ASB14: variants seen among roughly 807,000 people sequenced by gnomAD.
ASB14 encodes ankyrin repeat and SOCS box protein 14.
Under a neutral mutation model 55.6 loss-of-function variants are expected in ASB14, and 63 were observed. That is an observed-to-expected ratio of 1.13 (90% confidence interval 0.92 to 1.40). The LOEUF is 1.40. Among genes scored for constraint, ASB14 ranks in the 40% most tolerant of loss-of-function variants. The pLI is 0.00. For synonymous variants in ASB14, 256 were observed against 259.9 expected, an observed-to-expected ratio of 0.98 and a Z score of 0.15; for missense variants, 724 against 710.4, an observed-to-expected ratio of 1.02 and a Z score of -0.22.
In ASB14 at chr3:57,283,233, T is replaced by C; in HGVS notation, c.676A>G (p.Ser226Gly). 1.3e-6 allele frequency: 2 copies of C among 1,552,174 alleles called. No individual in the cohort carries two copies. Among genetic ancestry groups the C allele is most frequent in the Non-Finnish European group, 1.7e-6 (2 of 1,147,036 alleles). The change falls in exon 6 of 11, where the codon AGT (serine) becomes GGT (glycine). Residue 226 changes from serine (S) to glycine (G), a missense_variant. Transcript: ENST00000487349. The stretch of plus-strand genomic sequence containing the variant: ...ATTTCCATGATTTCAGTGTGTCCAC[T>C]TTGGGCAGCAAGAGCAAGAGGAGTG... ...GFTPLALAAQ[S>G]GHTEIMEMLL...
chr3:57,268,611 A>G lies in ASB14; in HGVS notation c.*1030T>C, dbSNP rs1484594760. ...CTGCTTGTTCAGCCACTTCATAAAC[A>G]GATGATTCATACCATAGCAGAAAAG... On this transcript the variant is annotated 3_prime_UTR_variant, in exon 11 of 11. Coordinates refer to ENST00000487349, the MANE Select transcript of ASB14 (RefSeq NM_001142733.3). The G allele has an allele frequency of 8.8e-7, 1 of 1,136,754 alleles. No homozygotes were observed. Among genetic ancestry groups the G allele is most frequent in the African/African-American group, 1.5e-5 (1 of 64,804 alleles). The allele number at this position is 1,136,754 out of a possible 1,614,324, so 70.4% of individuals were successfully genotyped here.
chr3:57,288,901 A>G (rs1294622188), intron 3 of ASB14, 167 bp downstream of exon 3: 3 of 474,296 alleles, frequency 6.3e-6, no homozygotes, highest in Non-Finnish European at 1.1e-5. Flanking sequence ...TTTTTAGTAG[A>G]GACAGGGGGT....
intron 8 of ASB14, among the ~76,000 whole-genome samples, 155 bp from the exon 9 acceptor site, chr3:57,278,075 C>A (rs1006648173): frequency 6.6e-6 from 1 of 152,090 alleles, no homozygotes; most frequent in East Asian, 1.9e-4. Context: ...CTGTACTTAT[C>A]CTGATTCTTT....
chr3:57,275,375 C>T (rs1311790125), intron 10 of ASB14, among the ~76,000 whole-genome samples: 1 of 151,588 alleles, frequency 6.6e-6, no homozygotes, highest in African/African-American at 2.4e-5. Context: ...TCGCTTGAAC[C>T]CGGGAGGCAG....
intron 10 of ASB14, among the ~76,000 whole-genome samples, chr3:57,274,161 G>GA (rs919951357): frequency 2.0e-5 from 3 of 151,880 alleles, no homozygotes; most frequent in East Asian, 3.9e-4. Flanking sequence ...CCCTACACTA[G>GA]AAAAAAAATC....
chr3:57,276,018 G>A (rs941436234), intron 10 of ASB14, among the ~76,000 whole-genome samples: 2 of 152,028 alleles, frequency 1.3e-5, no homozygotes, highest in Non-Finnish European at 2.9e-5. Context: ...TTCCACTGAG[G>A]GTCTTGGAAC....
At chr3:57,273,331 G>A (rs1347456642) in intron 10 of ASB14, 1 of 152,556 alleles carries the variant, frequency 6.6e-6, no homozygotes, top group East Asian at 1.9e-4. Context: ...CATGGTATTG[G>A]TATACATGTG....
At chr3:57,276,826 T>A (rs2060992716) in intron 9 of ASB14, 98 bp from the exon 10 acceptor site, 4 of 1,140,830 alleles carry the variant, frequency 3.5e-6, no homozygotes, top group Non-Finnish European at 5.0e-6. Flanking sequence ...TTTCATTTGC[T>A]GTTACTAAAT....
chr3:57,282,294 T>C (rs59748147), intron 6 of ASB14, among the ~76,000 whole-genome samples: 16,312 of 152,196 alleles, frequency 0.11, 1,431 homozygotes, highest in East Asian at 0.39. Flanking sequence ...CTGTGTATTG[T>C]TAAAGAACAA....
chr3:57,279,710 T>C (rs1028878999), intron 7 of ASB14, among the ~76,000 whole-genome samples: 2 of 151,910 alleles, frequency 1.3e-5, no homozygotes, highest in Non-Finnish European at 2.9e-5. Context: ...GGAAATATTA[T>C]TAAAATTATA....
At position 57,268,505 on chromosome 3, in the gene ASB14, C is replaced by G; in HGVS notation, c.*1136G>C. 6.4e-7 allele frequency: 1 copy of G among 1,563,002 alleles called. No individual in the cohort carries two copies. Among genetic ancestry groups the G allele is most frequent in the Non-Finnish European group, 8.6e-7 (1 of 1,160,180 alleles). On this transcript the variant is annotated 3_prime_UTR_variant, in exon 11 of 11. Transcript: ENST00000487349. Reference sequence around the variant, plus strand: ...TTGAAAAGGTATACAGTCCTAATGTCTGGATCTTTATGTGTTGTTTGTGAA... The same window carrying G: ...TTGAAAAGGTATACAGTCCTAATGTGTGGATCTTTATGTGTTGTTTGTGAA...
At chr3:57,283,487 CA>C in intron 5 of ASB14, 48 bp from the exon 6 acceptor site, 1 of 1,512,936 alleles carries the variant, frequency 6.6e-7, no homozygotes, top group South Asian at 1.2e-5. Context: ...AAGTTAAGCC[CA>C]AAGTAGCATA....
rs760021020 is a variant in ASB14 at position 57,269,669 on chromosome 3, G to A, written c.*23-51C>T. On this transcript the variant is annotated intron_variant, in intron 10 of 10. Transcript: ENST00000487349. Reference sequence around the variant, plus strand: ...GTGATTTGGGAGAAGGAGGAAAGAAGAGAGAATCAGAAGCATAAGCTTATA... The same window carrying A: ...GTGATTTGGGAGAAGGAGGAAAGAAAAGAGAATCAGAAGCATAAGCTTATA... The A allele has an allele frequency of 3.7e-6, 6 of 1,614,044 alleles. No individual in the cohort carries two copies. The South Asian group carries it at 6.6e-5, about 18-fold the overall frequency.
intron 5 of ASB14, among the ~76,000 whole-genome samples, chr3:57,283,845 A>C (rs1037600390): frequency 5.9e-5 from 9 of 151,988 alleles, no homozygotes; most frequent in Non-Finnish European, 1.3e-4. Context: ...TTAAAAAAAA[A>C]ACAAAAACAA....
chr3:57,291,143 GGTTT>G (rs750778776), intron 2 of ASB14, among the ~76,000 whole-genome samples: 3 of 152,120 alleles, frequency 2.0e-5, no homozygotes, highest in Non-Finnish European at 2.9e-5. Context: ...ATCACTCCAT[GGTTT>G]GTTACATTTT....
At chr3:57,272,317 C>T (rs2060947632) in intron 10 of ASB14, 1 of 151,968 alleles carries the variant, frequency 6.6e-6, no homozygotes, top group Non-Finnish European at 1.5e-5. Flanking sequence ...GAACAGAGTC[C>T]CTAAAGCTAG....
chr3:57,278,144 T>C (rs774274618), intron 8 of ASB14, among the ~76,000 whole-genome samples: 36 of 152,194 alleles, frequency 2.4e-4, no homozygotes, highest in Non-Finnish European at 4.7e-4. Flanking sequence ...TTTATGAAAC[T>C]TCCTCACACT....
chr3:57,281,038 C>T (rs79564707), intron 6 of ASB14, among the ~76,000 whole-genome samples: 260 of 151,920 alleles, frequency 1.7e-3, no homozygotes, highest in African/African-American at 5.9e-3. Flanking sequence ...ATGCTTGGGA[C>T]CAGAAGTGTT....
rs187830813 is a variant in ASB14 at position 57,281,342 on chromosome 3, G to C, written c.716-869C>G. 4.8e-4 allele frequency among the ~76,000 whole-genome samples: 73 copies of C among 152,094 alleles called. No homozygotes were observed. In the Middle Eastern group the frequency reaches 0.031, roughly 64 times the overall value. Reference sequence around the variant, plus strand: ...AGAAGATCTAGGGCTGGGGTTGTAAGGGGGGCTGGGGTTGTAAGGGGAGCT... The same window carrying C: ...AGAAGATCTAGGGCTGGGGTTGTAACGGGGGCTGGGGTTGTAAGGGGAGCT... On this transcript the variant is annotated intron_variant, in intron 6 of 10. Transcript: ENST00000487349.
Sources: allele counts gnomAD v4.1 joint callset (sites outside exome capture counted in the v4.1 genomes callset), GRCh38; gene constraint gnomAD v4.1.1; transcripts MANE v1.5; gene names NCBI Gene and HGNC (gene_info 2026-07-23, HGNC 2026-07-21).